BRAF: variants seen among roughly 807,000 people sequenced by gnomAD.
BRAF encodes serine/threonine-protein kinase B-raf.
A neutral mutation model predicts 104.6 loss-of-function variants in BRAF; 16 were observed. The observed-to-expected ratio is 0.15, with a 90% CI of 0.10 to 0.23. The LOEUF is 0.23. BRAF is among the 10% of genes least tolerant of loss of function. The probability of loss-of-function intolerance (pLI) is 1.00; values close to 1 mark genes in which losing one functional copy is unlikely to be tolerated. For synonymous variants in BRAF, 310 were observed against 341.6 expected (o/e 0.91, Z 1.02); for missense variants, 541 against 937.3 (o/e 0.58, Z 5.52).
At chr7:140,896,649 T>C (rs948047255) in intron 1 of BRAF, among the ~76,000 whole-genome samples, 5 of 152,048 alleles carry the variant, frequency 3.3e-5, no homozygotes, top group African/African-American at 4.8e-5. Flanking sequence ...GTGGATCACC[T>C]GAGGTCAGGA....
chr7:140,832,778 T>C (rs1806909716), intron 3 of BRAF, among the ~76,000 whole-genome samples: 1 of 152,174 alleles, frequency 6.6e-6, no homozygotes, highest in African/African-American at 2.4e-5. Context: ...AGAGTCTCAG[T>C]TGTTTTTATT....
chr7:140,732,407 C>T (rs1014421006), intron 19 of BRAF: 2 of 151,892 alleles, frequency 1.3e-5, no homozygotes, highest in Non-Finnish European at 2.9e-5. Flanking sequence ...AGAACAAATA[C>T]AATTAAACCT....
intron 1 of BRAF, among the ~76,000 whole-genome samples, chr7:140,910,904 G>A (rs1388562881): frequency 3.3e-5 from 5 of 151,966 alleles, no homozygotes; most frequent in African/African-American, 9.7e-5. Flanking sequence ...GCTTCAAGCA[G>A]TCGTCCCGCC....
At position 140,836,454 on chromosome 7, in the gene BRAF, T is replaced by C. The variant is rs1203307261; in HGVS notation, c.241-1582A>G. Among the ~76,000 whole-genome samples the C allele has an allele frequency of 3.3e-5, 5 of 152,100 alleles. No individual in the cohort carries two copies. The East Asian group carries it at 9.6e-4, about 29-fold the overall frequency. Reference sequence around the variant, plus strand: ...CAATAAGGGCCACAGGACCCTGCTATGCTGCATCTTACCACATACTTTCGA... The same window carrying C: ...CAATAAGGGCCACAGGACCCTGCTACGCTGCATCTTACCACATACTTTCGA... On this transcript the variant is annotated intron_variant, in intron 2 of 19. Transcript: ENST00000644969.
At chr7:140,769,708 T>G (rs1333918179) in intron 14 of BRAF, among the ~76,000 whole-genome samples, 1 of 152,206 alleles carries the variant, frequency 6.6e-6, no homozygotes, top group African/African-American at 2.4e-5. Context: ...AATTTTTCAA[T>G]AAGTTTTTCT....
At chr7:140,840,391 A>G (rs1274855032) in intron 2 of BRAF, among the ~76,000 whole-genome samples, 1 of 151,782 alleles carries the variant, frequency 6.6e-6, no homozygotes, top group Non-Finnish European at 1.5e-5. Flanking sequence ...AATTCCATCC[A>G]CATTTAAACT....
intron 3 of BRAF, among the ~76,000 whole-genome samples, chr7:140,814,380 G>A (rs1443347518): frequency 1.3e-5 from 2 of 152,090 alleles, no homozygotes; most frequent in Non-Finnish European, 2.9e-5. Context: ...ATTTTCCATA[G>A]TTGGCCAGAC....
intron 14 of BRAF, 140 bp from the exon 14 acceptor site, chr7:140,754,373 C>T: frequency 4.1e-6 from 3 of 738,856 alleles, no homozygotes; most frequent in East Asian, 2.7e-5. Context: ...AAACCCTTCA[C>T]AGAATATTAA....
chr7:140,918,072 G>A (rs1281403564), intron 1 of BRAF, among the ~76,000 whole-genome samples: 1 of 152,136 alleles, frequency 6.6e-6, no homozygotes, highest in African/African-American at 2.4e-5. Flanking sequence ...CTACACAGAT[G>A]ATACCTGAGA....
At chr7:140,902,892 GGCTTCAAA>G (rs1815817799) in intron 1 of BRAF, among the ~76,000 whole-genome samples, 1 of 151,424 alleles carries the variant, frequency 6.6e-6, no homozygotes, top group African/African-American at 2.4e-5. Context: ...GTCAATGGTT[GGCTTCAAA>G]GCTTCAAAGG....
At chr7:140,773,516 C>T (rs185735007) in intron 14 of BRAF, 13 of 152,184 alleles carry the variant, frequency 8.5e-5, no homozygotes, top group African/African-American at 3.1e-4. Flanking sequence ...GTCATCAAAT[C>T]CCCATGTTTT....
At chr7:140,918,246 C>A (rs946246703) in intron 1 of BRAF, among the ~76,000 whole-genome samples, 5 of 152,124 alleles carry the variant, frequency 3.3e-5, no homozygotes, top group Non-Finnish European at 7.3e-5. Context: ...GGACCAGTGA[C>A]CAATTTCATG....
chr7:140,921,023 G>A (rs891164888), intron 1 of BRAF, among the ~76,000 whole-genome samples: 1 of 152,088 alleles, frequency 6.6e-6, no homozygotes, highest in African/African-American at 2.4e-5. Context: ...TTATATCCCA[G>A]AATATTCCCT....
chr7:140,719,369 C>A lies in BRAF; in HGVS notation c.*7125G>T, dbSNP rs769907969. 76 of 1,000,708 alleles carry A rather than the reference C, an allele frequency of 7.6e-5. No individual in the cohort carries two copies. The African/African-American group carries it at 1.2e-3, about 16-fold the overall frequency. The allele number at this position is 1,000,708 out of a possible 1,614,324, so 62.0% of individuals were successfully genotyped here. The stretch of plus-strand genomic sequence containing the variant: ...AGTCAATCTTTATTATAGCAGTATT[C>A]GCATATTCACATCAAGTACATAGAA... On this transcript the variant is annotated 3_prime_UTR_variant, in exon 20 of 20. Transcript: ENST00000644969.
At chr7:140,869,636 C>CAA (rs56186470) in intron 1 of BRAF, among the ~76,000 whole-genome samples, 7,999 of 94,326 alleles carry the variant, frequency 0.085, 244 homozygotes, top group Middle Eastern at 0.17. Context: ...CTGTCTCAAA[C>CAA]AAAAAAAAAA....
chr7:140,735,548 T>C (rs971921305), intron 18 of BRAF, among the ~76,000 whole-genome samples: 1 of 152,114 alleles, frequency 6.6e-6, no homozygotes, highest in Non-Finnish European at 1.5e-5. Context: ...GTTATTGTCC[T>C]GAGATACCAA....
At position 140,847,341 on chromosome 7, in the gene BRAF, G is replaced by A. The variant is rs533362428; in HGVS notation, c.240+2770C>T. 3.3e-5 allele frequency among the ~76,000 whole-genome samples: 5 copies of A among 152,248 alleles called. No individual in the cohort carries two copies. The South Asian group carries it at 6.2e-4, about 19-fold the overall frequency. On this transcript the variant is annotated intron_variant, in intron 2 of 19. Coordinates refer to ENST00000644969, the MANE Select transcript of BRAF (RefSeq NM_001374258.1). ...CTCACGCCTGTAATCCCAGCACTGT[G>A]AGAGGCCAAGGGGGGCAGATCACCT...
intron 2 of BRAF, among the ~76,000 whole-genome samples, chr7:140,840,731 C>A (rs937081104): frequency 6.6e-6 from 1 of 150,376 alleles, no homozygotes; most frequent in Non-Finnish European, 1.5e-5. Context: ...GTAGAGGTTG[C>A]AGTCAGTCGA....
rs575414698 is a variant in BRAF at position 140,768,588 on chromosome 7, G to A, written c.1814+8324C>T. Among the ~76,000 whole-genome samples, 21 of 152,232 alleles carry A rather than the reference G, an allele frequency of 1.4e-4. No individual in the cohort carries two copies. The South Asian group carries it at 4.3e-3, about 32-fold the overall frequency. The stretch of plus-strand genomic sequence containing the variant: ...GCCTCACTGTAGCCTCAAACTTCTG[G>A]GCTCAAGTGATCCTCCTGCCTCAGC... On this transcript the variant is annotated intron_variant, in intron 14 of 19. Coordinates refer to ENST00000644969, the MANE Select transcript of BRAF (RefSeq NM_001374258.1).
Sources: allele counts gnomAD v4.1 joint callset (sites outside exome capture counted in the v4.1 genomes callset), GRCh38; gene constraint gnomAD v4.1.1; transcripts MANE v1.5; gene names NCBI Gene and HGNC (gene_info 2026-07-23, HGNC 2026-07-21).